ARHGEF28: variants seen among roughly 807,000 people sequenced by gnomAD.
ARHGEF28 encodes the protein 190 kDa guanine nucleotide exchange factor.
ARHGEF28 carries 152 observed loss-of-function variants against 206.6 expected under a neutral mutation model. The observed-to-expected ratio is 0.74, with a 90% CI of 0.64 to 0.84. ARHGEF28 has a LOEUF of 0.84. Among genes scored for constraint, ARHGEF28 ranks in the 40% least tolerant of loss-of-function variants. The pLI is 0.00. For synonymous variants in ARHGEF28, 763 were observed against 776.4 expected, an observed-to-expected ratio of 0.98 and a Z score of 0.29; for missense variants, 2,028 against 2,073.2, an observed-to-expected ratio of 0.98 and a Z score of 0.42.
intron 13 of ARHGEF28, among the ~76,000 whole-genome samples, chr5:73,850,101 T>TTTTTTTTTTTTTTTTTTTTG (rs1194360823): frequency 1.3e-5 from 2 of 151,398 alleles, no homozygotes; most frequent in African/African-American, 2.4e-5. Context: ...TTTGCATTTT[T>TTTTTTTTTTTTTTTTTTTTG]ATGCCATGCA....
intron 7 of ARHGEF28, among the ~76,000 whole-genome samples, chr5:73,783,472 C>T (rs189880181): frequency 6.6e-5 from 10 of 151,468 alleles, no homozygotes; most frequent in South Asian, 2.1e-4. Context: ...CATGGCTGTA[C>T]GTGAAGCAAG....
At chr5:73,739,607 C>T (rs1454172632) in intron 2 of ARHGEF28, among the ~76,000 whole-genome samples, 1 of 151,588 alleles carries the variant, frequency 6.6e-6, no homozygotes, top group Non-Finnish European at 1.5e-5. Flanking sequence ...TCGCTTGAGC[C>T]CAGGAGTTCA....
chr5:73,832,527 A>G (rs1757361956), intron 10 of ARHGEF28, 68 bp downstream of exon 10: 2 of 1,562,200 alleles, frequency 1.3e-6, no homozygotes, highest in African/African-American at 2.7e-5. Flanking sequence ...TAAGAAATAG[A>G]TTCAGCATTG....
intron 30 of ARHGEF28, chr5:73,899,087 A>G (rs2112701952): frequency 6.6e-6 from 1 of 151,820 alleles, no homozygotes; most frequent in Non-Finnish European, 1.5e-5. Flanking sequence ...CAGCACCACT[A>G]ATTATCTTCC....
chr5:73,804,257 T>C (rs1036921914), intron 9 of ARHGEF28, among the ~76,000 whole-genome samples: 1 of 152,220 alleles, frequency 6.6e-6, no homozygotes, highest in Non-Finnish European at 1.5e-5. Flanking sequence ...AATGGAAACC[T>C]CTCAGGGAGT....
chr5:73,730,534 A>ATTTTTTTTTTTTTT (rs968990208), intron 2 of ARHGEF28, among the ~76,000 whole-genome samples: 1 of 117,396 alleles, frequency 8.5e-6, no homozygotes, highest in Non-Finnish European at 1.7e-5. Context: ...CATAAGGAGG[A>ATTTTTTTTTTTTTT]TTTTTTTTTT....
chr5:73,695,545 A>T (rs1222923927), intron 2 of ARHGEF28, among the ~76,000 whole-genome samples: 6 of 152,100 alleles, frequency 3.9e-5, no homozygotes, highest in Non-Finnish European at 8.8e-5. Context: ...TATATTTTTT[A>T]AAAGTTTTCC....
At chr5:73,808,950 C>A (rs892027582) in intron 9 of ARHGEF28, among the ~76,000 whole-genome samples, 3 of 152,154 alleles carry the variant, frequency 2.0e-5, no homozygotes, top group African/African-American at 7.2e-5. Flanking sequence ...TCCTCAGGGT[C>A]AAAGTGAGAC....
intron 35 of ARHGEF28, among the ~76,000 whole-genome samples, chr5:73,920,502 A>G (rs950806054): frequency 6.7e-6 from 1 of 149,942 alleles, no homozygotes; most frequent in Admixed American, 6.6e-5. Flanking sequence ...ATAGGTATAC[A>G]TGTGCCATGG....
At chr5:73,780,068 G>A (rs1753749986) in intron 6 of ARHGEF28, among the ~76,000 whole-genome samples, 1 of 152,156 alleles carries the variant, frequency 6.6e-6, no homozygotes, top group East Asian at 1.9e-4. Context: ...GCATAATTCT[G>A]TGTTTCTTCA....
At chr5:73,738,146 C>T (rs796383418) in intron 2 of ARHGEF28, among the ~76,000 whole-genome samples, 1 of 152,116 alleles carries the variant, frequency 6.6e-6, no homozygotes. Context: ...TTCATAAAGG[C>T]TCTTCCCAGT....
chr5:73,878,503 C>A (rs1191775879), intron 22 of ARHGEF28, among the ~76,000 whole-genome samples: 1 of 151,990 alleles, frequency 6.6e-6, no homozygotes, highest in Non-Finnish European at 1.5e-5. Context: ...TTAGTTGATG[C>A]AGTCTCTTCC....
chr5:73,751,358 T>C (rs1229016885), intron 3 of ARHGEF28, among the ~76,000 whole-genome samples: 2 of 152,158 alleles, frequency 1.3e-5, no homozygotes, highest in Non-Finnish European at 2.9e-5. Flanking sequence ...TGCAGTGAGC[T>C]GAGATCATGT....
At chr5:73,748,090 A>G (rs1283727768) in intron 2 of ARHGEF28, among the ~76,000 whole-genome samples, 3 of 152,206 alleles carry the variant, frequency 2.0e-5, no homozygotes, top group Non-Finnish European at 4.4e-5. Flanking sequence ...CAGTCTCTTT[A>G]GAAACCAGGA....
chr5:73,857,626 G>A, intron 14 of ARHGEF28, 30 bp from the exon 15 acceptor site: 1 of 1,551,104 alleles, frequency 6.4e-7, no homozygotes, highest in Non-Finnish European at 8.7e-7. Flanking sequence ...TAAGTCATAT[G>A]AGCCATGATA....
chr5:73,819,911 G>C (rs1032162070), intron 9 of ARHGEF28, among the ~76,000 whole-genome samples: 6 of 152,194 alleles, frequency 3.9e-5, no homozygotes, highest in Non-Finnish European at 7.3e-5. Context: ...TTCCCTTGGG[G>C]TTCAGCATTG....
chr5:73,731,661 C>G (rs914897160), intron 2 of ARHGEF28, among the ~76,000 whole-genome samples: 3 of 152,076 alleles, frequency 2.0e-5, no homozygotes, highest in Non-Finnish European at 4.4e-5. Context: ...TCATGTGTCT[C>G]TGGAAAGCTT....
At chr5:73,726,107 A>G (rs1750253538) in intron 2 of ARHGEF28, among the ~76,000 whole-genome samples, 1 of 152,178 alleles carries the variant, frequency 6.6e-6, no homozygotes, top group African/African-American at 2.4e-5. Context: ...TTTGGTTGCA[A>G]AGACCATATC....
At chr5:73,842,472 T>C (rs1758047615) in intron 11 of ARHGEF28, among the ~76,000 whole-genome samples, 1 of 152,196 alleles carries the variant, frequency 6.6e-6, no homozygotes, top group Admixed American at 6.5e-5. Context: ...GTGTGATGTG[T>C]AAATAATAAA....
Sources: allele counts gnomAD v4.1 joint callset (sites outside exome capture counted in the v4.1 genomes callset), GRCh38; gene constraint gnomAD v4.1.1; transcripts MANE v1.5; gene names NCBI Gene and HGNC (gene_info 2026-07-23, HGNC 2026-07-21).